The following CEP57 variants were observed in gnomAD, a reference collection of about 807,000 sequenced individuals.
CEP57 encodes the protein centrosomal protein of 57 kDa.
In CEP57, 40 loss-of-function variants were observed where a neutral mutation model predicts 68.0. That is an observed-to-expected ratio of 0.59 (90% confidence interval 0.46 to 0.77). The LOEUF (loss-of-function observed/expected upper bound fraction) is 0.77. CEP57 is among the 30% of genes least tolerant of loss of function. CEP57 has a pLI of 0.00. For missense variants in CEP57, 606 were observed against 580.7 expected (o/e 1.04, Z -0.45); for synonymous variants, 219 against 198.7 (o/e 1.10, Z -0.86).
chr11:95,820,817 A>G (rs1862490973), intron 6 of CEP57, among the ~76,000 whole-genome samples: 1 of 152,112 alleles, frequency 6.6e-6, no homozygotes, highest in Non-Finnish European at 1.5e-5. Flanking sequence ...TGTTCATTGA[A>G]TTGTGTCTAG....
chr11:95,811,865 T>C (rs1024585232), intron 2 of CEP57, among the ~76,000 whole-genome samples: 1 of 152,226 alleles, frequency 6.6e-6, no homozygotes, highest in East Asian at 1.9e-4. Flanking sequence ...TTTTTAATTA[T>C]TGATCATTAG....
At chr11:95,811,671 TAATAA>T (rs1862068085) in intron 2 of CEP57, among the ~76,000 whole-genome samples, 1 of 151,284 alleles carries the variant, frequency 6.6e-6, no homozygotes, top group African/African-American at 2.4e-5. Context: ...TAAAGGCAGA[TAATAA>T]AATGAAGAAA....
intron 9 of CEP57, among the ~76,000 whole-genome samples, chr11:95,828,709 C>T (rs564675): frequency 0.28 from 42,360 of 152,086 alleles, 7,069 homozygotes; most frequent in Non-Finnish European, 0.38. Flanking sequence ...AAATTAAGAA[C>T]TCTTGCATTT....
chr11:95,812,671 C>T (rs1296153477), intron 2 of CEP57, among the ~76,000 whole-genome samples: 2 of 152,130 alleles, frequency 1.3e-5, no homozygotes, highest in East Asian at 3.9e-4. Context: ...AACTCCTAAC[C>T]TCAGGTGATC....
At chr11:95,795,647 C>A in intron 1 of CEP57, 1 of 492,268 alleles carries the variant, frequency 2.0e-6, no homozygotes, top group South Asian at 3.1e-5. Flanking sequence ...TCTTGTAAAA[C>A]TTCATATTAT....
At position 95,813,617 on chromosome 11, in the gene CEP57, C is replaced by G. The variant is rs774545800; in HGVS notation, c.504+28C>G. The G allele has an allele frequency of 2.5e-6, 4 of 1,611,056 alleles. No individual in the cohort carries two copies. The Middle Eastern group carries it at 5.0e-4, about 200-fold the overall frequency. On this transcript the variant is annotated intron_variant, in intron 4 of 10. Coordinates refer to ENST00000325542, the MANE Select transcript of CEP57 (RefSeq NM_014679.5). ...AAGTAAAGCACCTCACAGATTGATA[C>G]TCAAGAACAGTTATGGGGAAAACTA... is the stretch of plus-strand genomic sequence containing the variant.
chr11:95,805,015 G>A (rs1861734295), intron 2 of CEP57, among the ~76,000 whole-genome samples: 1 of 152,162 alleles, frequency 6.6e-6, no homozygotes. Context: ...GCACACCCCA[G>A]CATATCCTTG....
intron 1 of CEP57, among the ~76,000 whole-genome samples, chr11:95,793,300 G>GTT (rs1162026652): frequency 6.6e-6 from 1 of 152,188 alleles, no homozygotes; most frequent in African/African-American, 2.4e-5. Flanking sequence ...CCATATGGAG[G>GTT]TATGGGCAGC....
chr11:95,829,364 T>C (rs1348908671), intron 10 of CEP57, 33 bp downstream of exon 10: 5 of 1,588,116 alleles, frequency 3.1e-6, no homozygotes, highest in Non-Finnish European at 4.3e-6. Flanking sequence ...AAGTTTCTAA[T>C]GATTAAGAAA....
rs186562148 is a variant in CEP57 at position 95,824,366 on chromosome 11, A to C, written c.885+1790A>C. Among the ~76,000 whole-genome samples, 621 of 152,232 alleles carry C rather than the reference A, an allele frequency of 4.1e-3. 3 individuals are homozygous for C. Among genetic ancestry groups the C allele is most frequent in the Admixed American group, 6.4e-3 (98 of 15,286 alleles). ...TTATCTCATTGAAAATGCAGCTTTT[A>C]TGTGGATGCAGGATTGCTATAAGAA... On this transcript the variant is annotated intron_variant, in intron 8 of 10. Coordinates refer to ENST00000325542, the MANE Select transcript of CEP57 (RefSeq NM_014679.5).
chr11:95,819,034 T>C (rs896065083), intron 6 of CEP57, 130 bp downstream of exon 6: 20 of 717,252 alleles, frequency 2.8e-5, no homozygotes, highest in South Asian at 8.2e-5. Flanking sequence ...TTTTCAGATA[T>C]AGGTTAATGT....
intron 7 of CEP57, chr11:95,822,274 G>C (rs1468669431): frequency 1.9e-5 from 11 of 584,924 alleles, no homozygotes; most frequent in Non-Finnish European, 3.3e-5. Context: ...TTTCTACTTA[G>C]AATGTAACTG....
chr11:95,822,152 T>A, intron 7 of CEP57, 174 bp downstream of exon 7: 1 of 626,018 alleles, frequency 1.6e-6, no homozygotes, highest in Non-Finnish European at 2.9e-6. Context: ...TTTATCCTGA[T>A]AGTGAGAAAA....
chr11:95,817,933 A>G lies in CEP57; in HGVS notation c.621+30A>G, dbSNP rs748530471. 41 of 1,360,936 alleles carry G rather than the reference A, an allele frequency of 3.0e-5. 1 individual carries two copies. The highest frequency in any genetic ancestry group is 2.7e-4 in the South Asian group (23 of 85,836). The allele number at this position is 1,360,936 out of a possible 1,614,324, so 84.3% of individuals were successfully genotyped here. On this transcript the variant is annotated intron_variant, in intron 5 of 10. Coordinates refer to ENST00000325542, the MANE Select transcript of CEP57 (RefSeq NM_014679.5). ...GTGCATGTGTCTTTTTATTGTTAAC[A>G]TATATCAGGGTGGTTTTTTTTTAAT... is the stretch of plus-strand genomic sequence containing the variant.
At chr11:95,825,878 T>C in intron 8 of CEP57, 1 of 152,012 alleles carries the variant, frequency 6.6e-6, no homozygotes, top group Non-Finnish European at 1.5e-5. Context: ...GATTCTGTAA[T>C]CCCACTGTAA....
intron 2 of CEP57, among the ~76,000 whole-genome samples, chr11:95,808,508 TAAAAG>T (rs956716013): frequency 6.6e-6 from 1 of 151,656 alleles, no homozygotes; most frequent in African/African-American, 2.4e-5. Flanking sequence ...AGGCTCAAAA[TAAAAG>T]GATGGAGGAA....
rs930693151 is a variant in CEP57 at position 95,831,203 on chromosome 11, A to C, written c.1450A>C (p.Met484Leu). The change falls in exon 11 of 11, where the codon ATG becomes CTG. Residue 484 changes from methionine to leucine, a missense_variant. By Grantham distance (15) the Met-to-Leu change is conservative. Coordinates refer to ENST00000325542, the MANE Select transcript of CEP57 (RefSeq NM_014679.5). ...AAAAAATCTTCAGTTATTGAAGGAC[A>C]TGCAAAGCATACAGAATTCATTACA... ...RRKNLQLLKD[M>L]QSIQNSLQSS... The C allele has an allele frequency of 6.2e-7, 1 of 1,613,650 alleles. No homozygotes were observed.
intron 2 of CEP57, among the ~76,000 whole-genome samples, chr11:95,807,000 G>A (rs1242550722): frequency 6.6e-6 from 1 of 152,086 alleles, no homozygotes; most frequent in Non-Finnish European, 1.5e-5. Context: ...CATACAGCCG[G>A]GTCCCCTTCT....
intron 2 of CEP57, among the ~76,000 whole-genome samples, chr11:95,810,405 C>G (rs909743044): frequency 6.6e-6 from 1 of 152,164 alleles, no homozygotes; most frequent in African/African-American, 2.4e-5. Context: ...AAGAGGAAGT[C>G]AAATTGTCCC....
Sources: gnomAD v4.1 joint callset for allele counts (sites outside exome capture counted in the v4.1 genomes callset) on GRCh38, gnomAD v4.1.1 for gene constraint, MANE v1.5 for transcripts, NCBI Gene and HGNC (gene_info 2026-07-23, HGNC 2026-07-21) for gene names.